Variants in TLL1 observed in about 807,000 individuals in gnomAD.
TLL1 encodes tolloid like 1.
TLL1 carries 49 observed loss-of-function variants against 128.2 expected under a neutral mutation model. The ratio of observed to expected loss-of-function variants is 0.38; its 90% CI spans 0.30 to 0.48. TLL1 has a LOEUF of 0.48. Among genes scored for constraint, TLL1 ranks in the 20% least tolerant of loss-of-function variants. TLL1 has a pLI of 0.96. For missense variants in TLL1, 1,123 were observed against 1,242.0 expected (o/e 0.90, Z 1.44); for synonymous variants, 454 against 418.8 (o/e 1.08, Z -1.03).
intron 2 of TLL1, among the ~76,000 whole-genome samples, chr4:165,989,761 AC>A (rs1736553015): frequency 6.6e-6 from 1 of 151,424 alleles, no homozygotes; most frequent in Non-Finnish European, 1.5e-5. Context: ...CTTCATGACA[AC>A]CCCCTCAGGG....
At chr4:166,078,538 C>T (rs952920855) in intron 18 of TLL1, among the ~76,000 whole-genome samples, 2 of 152,064 alleles carry the variant, frequency 1.3e-5, no homozygotes, top group African/African-American at 4.8e-5. Context: ...TCCTGATTTC[C>T]TTAGATTTTG....
At position 166,100,829 on chromosome 4, in the gene TLL1, A is replaced by T. The variant is rs1742254251; in HGVS notation, c.2995A>T (p.Arg999Ter). Residue 999 changes from arginine (R) to a stop codon, truncating the protein, a stop_gained, in exon 21 of 21, where the codon AGA becomes TGA. Coordinates refer to ENST00000061240, the MANE Select transcript of TLL1 (RefSeq NM_012464.5). LOFTEE classifies it high-confidence loss of function. ...AATCAACAAGAAGGGATTTCATATA[A>T]GATACAAAAGCATAAGATATCCAGA... is the stretch of plus-strand genomic sequence containing the variant. The part of the protein sequence containing the change: ...DTINKKGFHI[R>*]YKSIRYPDTT... 1 of 1,613,014 alleles carries T rather than the reference A, an allele frequency of 6.2e-7. No homozygotes were observed. Among genetic ancestry groups the T allele is most frequent in the Non-Finnish European group, 8.5e-7 (1 of 1,179,348 alleles).
intron 1 of TLL1, among the ~76,000 whole-genome samples, chr4:165,953,754 T>A (rs1734653156): frequency 6.6e-6 from 1 of 151,878 alleles, no homozygotes; most frequent in Admixed American, 6.6e-5. Context: ...TTTCTTTAAA[T>A]CTCCTTTTGC....
intron 10 of TLL1, among the ~76,000 whole-genome samples, chr4:166,040,526 G>A (rs1211218964): frequency 1.3e-5 from 2 of 152,118 alleles, no homozygotes; most frequent in Non-Finnish European, 2.9e-5. Flanking sequence ...ATGTATAATG[G>A]ACCACCAGAG....
At chr4:165,927,729 G>C (rs1289176891) in intron 1 of TLL1, among the ~76,000 whole-genome samples, 1 of 152,170 alleles carries the variant, frequency 6.6e-6, no homozygotes, top group Non-Finnish European at 1.5e-5. Flanking sequence ...ACATTTGGGG[G>C]TGGAGTGTGT....
intron 1 of TLL1, among the ~76,000 whole-genome samples, chr4:165,978,491 T>A (rs1735992662): frequency 6.6e-6 from 1 of 152,138 alleles, no homozygotes; most frequent in African/African-American, 2.4e-5. Flanking sequence ...TTATAATACA[T>A]ACACAATCTC....
At chr4:166,004,918 A>C (rs1737344401) in intron 6 of TLL1, among the ~76,000 whole-genome samples, 1 of 151,776 alleles carries the variant, frequency 6.6e-6, no homozygotes, top group South Asian at 2.1e-4. Flanking sequence ...TTTCCCAGTC[A>C]GACTTATAGC....
At chr4:166,005,488 G>A (rs1737380903) in intron 6 of TLL1, among the ~76,000 whole-genome samples, 1 of 151,948 alleles carries the variant, frequency 6.6e-6, no homozygotes. Flanking sequence ...TCAGTGGATT[G>A]TGGTGTCCTA....
Position 166,052,939 on chromosome 4 carries a change from TTAAAGACTGAG to T in TLL1, c.1525-2136_1525-2126del, listed in dbSNP as rs1560837718. Among the ~76,000 whole-genome samples, 208 of 79,170 alleles carry T rather than the reference TTAAAGACTGAG, an allele frequency of 2.6e-3. 3 individuals are homozygous for T. The highest frequency in any genetic ancestry group is 0.011 in the African/African-American group (200 of 17,494). 51.9% of individuals were successfully genotyped at this position (79,170 alleles called of 152,430 possible). On this transcript the variant is annotated intron_variant, in intron 12 of 20. Coordinates refer to ENST00000061240, the MANE Select transcript of TLL1 (RefSeq NM_012464.5). ...GAACCCTGATTTTGAAGGGATTAAA[TTAAAGACTGAG>T]ATAAGAGGTTATGTGTATATATATA... is the stretch of plus-strand genomic sequence containing the variant.
At chr4:165,889,554 G>A (rs1731303314) in intron 1 of TLL1, among the ~76,000 whole-genome samples, 1 of 152,228 alleles carries the variant, frequency 6.6e-6, no homozygotes, top group Admixed American at 6.5e-5. Flanking sequence ...GACAGTGTTT[G>A]CGTAAAGTGG....
intron 9 of TLL1, among the ~76,000 whole-genome samples, chr4:166,036,519 C>G (rs1380585447): frequency 6.6e-6 from 1 of 152,064 alleles, no homozygotes; most frequent in East Asian, 1.9e-4. Context: ...TAATGTAAAA[C>G]AAGCAGATAT....
At chr4:165,903,274 G>T (rs1040931321) in intron 1 of TLL1, among the ~76,000 whole-genome samples, 4 of 151,948 alleles carry the variant, frequency 2.6e-5, no homozygotes, top group South Asian at 2.1e-4. Flanking sequence ...GGAGGTGGAG[G>T]TTGCAGTGAG....
intron 1 of TLL1, among the ~76,000 whole-genome samples, chr4:165,918,165 T>C (rs1339438466): frequency 6.6e-6 from 1 of 152,160 alleles, no homozygotes; most frequent in Non-Finnish European, 1.5e-5. Context: ...TTGTCAAGGT[T>C]ATATTTATTA....
intron 8 of TLL1, among the ~76,000 whole-genome samples, chr4:166,017,065 T>C (rs1433216106): frequency 6.6e-6 from 1 of 151,882 alleles, no homozygotes; most frequent in South Asian, 2.1e-4. Flanking sequence ...ACCCAACAGG[T>C]AGTTTTCAAC....
intron 7 of TLL1, among the ~76,000 whole-genome samples, chr4:166,013,914 T>C (rs1737815668): frequency 6.6e-6 from 1 of 151,224 alleles, no homozygotes; most frequent in South Asian, 2.1e-4. Flanking sequence ...TTATCTTTTT[T>C]TTAACATATG....
chr4:165,977,921 T>C (rs1372783326), intron 1 of TLL1, among the ~76,000 whole-genome samples: 1 of 152,170 alleles, frequency 6.6e-6, no homozygotes, highest in Non-Finnish European at 1.5e-5. Flanking sequence ...AATAGATGAG[T>C]TGATTTCCTA....
At chr4:166,036,983 C>A (rs1169521826) in intron 9 of TLL1, among the ~76,000 whole-genome samples, 1 of 152,084 alleles carries the variant, frequency 6.6e-6, no homozygotes, top group Non-Finnish European at 1.5e-5. Flanking sequence ...TATAAAACTA[C>A]CCTTTCAATC....
At position 166,075,132 on chromosome 4, in the gene TLL1, AC is replaced by A. The variant is rs1171196624; in HGVS notation, c.2314+130del. ...TGGTGGGCTATCCAAATGTCAAAAA[AC>A]AAAATTCTGTGTAATGTCCAAAGAT... is the stretch of plus-strand genomic sequence containing the variant. On this transcript the variant is annotated intron_variant, in intron 17 of 20. Coordinates refer to ENST00000061240, the MANE Select transcript of TLL1 (RefSeq NM_012464.5). The A allele has an allele frequency of 6.8e-6, 9 of 1,326,646 alleles. No homozygotes were observed. In the African/African-American group the frequency reaches 1.0e-4, roughly 15 times the overall value. 82.2% of individuals were successfully genotyped at this position (1,326,646 alleles called of 1,614,324 possible).
At chr4:165,991,792 C>G (rs75507513) in intron 2 of TLL1, among the ~76,000 whole-genome samples, 1 of 151,920 alleles carries the variant, frequency 6.6e-6, no homozygotes, top group Non-Finnish European at 1.5e-5. Flanking sequence ...TTATAGCTTT[C>G]TTTGTCTTAG....
Sources: allele counts gnomAD v4.1 joint callset (sites outside exome capture counted in the v4.1 genomes callset), GRCh38; gene constraint gnomAD v4.1.1; transcripts MANE v1.5; gene names NCBI Gene and HGNC (gene_info 2026-07-23, HGNC 2026-07-21).